The following CSMD1 variants were observed in gnomAD, a reference collection of about 807,000 sequenced individuals.
The protein encoded by CSMD1 is CUB and Sushi multiple domains 1, also known as CUB and sushi domain-containing protein 1.
A neutral mutation model predicts 417.5 loss-of-function variants in CSMD1; 213 were observed. The observed-to-expected ratio is 0.51, with a 90% CI of 0.46 to 0.57. The LOEUF (loss-of-function observed/expected upper bound fraction) is 0.57. Ranked by LOEUF, CSMD1 falls within the 20% of genes least tolerant of loss-of-function variation. The pLI is 0.00. For missense variants in CSMD1, 6,923 were observed against 4,529.7 expected, an observed-to-expected ratio of 1.53 and a Z score of -15.17; for synonymous variants, 2,862 against 1,736.8, an observed-to-expected ratio of 1.65 and a Z score of -16.11.
At chr8:4,486,154 TATACATAC>T (rs1256520368) in intron 2 of CSMD1, among the ~76,000 whole-genome samples, 4 of 23,510 alleles carry the variant, frequency 1.7e-4, no homozygotes, top group African/African-American at 6.1e-4. Context: ...TATATATATA[TATACATAC>T]ATATATATAT....
intron 2 of CSMD1, among the ~76,000 whole-genome samples, chr8:4,491,997 C>T (rs908277672): frequency 6.7e-6 from 1 of 149,462 alleles, no homozygotes; most frequent in African/African-American, 2.5e-5. Context: ...AATGGATAAA[C>T]TATGGTACAT....
At chr8:4,031,398 G>C (rs796670221) in intron 4 of CSMD1, among the ~76,000 whole-genome samples, 3 of 152,316 alleles carry the variant, frequency 2.0e-5, no homozygotes, top group South Asian at 2.1e-4. Flanking sequence ...GAGAGAGCTT[G>C]TGCAGGGGAA....
intron 25 of CSMD1, among the ~76,000 whole-genome samples, chr8:3,286,567 C>T (rs1204966207): frequency 6.6e-6 from 1 of 152,130 alleles, no homozygotes; most frequent in African/African-American, 2.4e-5. Flanking sequence ...TTGCATTTCT[C>T]TGATGGCCGG....
intron 5 of CSMD1, among the ~76,000 whole-genome samples, chr8:3,880,891 C>T (rs1425632574): frequency 6.6e-6 from 1 of 151,970 alleles, no homozygotes; most frequent in Non-Finnish European, 1.5e-5. Flanking sequence ...CCTTCGTGTA[C>T]CATTGAAAGT....
chr8:3,240,444 GT>G (rs1799423660), intron 26 of CSMD1, among the ~76,000 whole-genome samples: 1 of 151,776 alleles, frequency 6.6e-6, no homozygotes, highest in Non-Finnish European at 1.5e-5. Context: ...TGTTTTATAG[GT>G]GTTGGGGTTT....
At chr8:4,713,618 G>A (rs10093459) in intron 1 of CSMD1, among the ~76,000 whole-genome samples, 134,374 of 151,974 alleles carry the variant, frequency 0.88, 59,479 homozygotes, top group East Asian at 0.99. Flanking sequence ...AATGCATAAA[G>A]TTCTCACATA....
chr8:4,839,101 T>C (rs1157297418), intron 1 of CSMD1, among the ~76,000 whole-genome samples: 2 of 152,188 alleles, frequency 1.3e-5, no homozygotes, highest in Non-Finnish European at 2.9e-5. Flanking sequence ...TCTGAGTCAG[T>C]TTCCCACCTC....
chr8:4,895,333 C>T (rs1422957960), intron 1 of CSMD1, among the ~76,000 whole-genome samples: 1 of 152,080 alleles, frequency 6.6e-6, no homozygotes, highest in South Asian at 2.1e-4. Context: ...TCCAATATTT[C>T]AGTTTCTGGA....
In CSMD1 at chr8:4,823,460, T is replaced by A. The variant is rs144674104; in HGVS notation, c.85+170872A>T. Among the ~76,000 whole-genome samples, 802 of 151,962 alleles carry A rather than the reference T, an allele frequency of 5.3e-3. 6 individuals carry two copies. The highest frequency in any genetic ancestry group is 0.017 in the African/African-American group (724 of 41,468). On this transcript the variant is annotated intron_variant, in intron 1 of 69. Coordinates refer to ENST00000635120, the MANE Select transcript of CSMD1 (RefSeq NM_033225.6). ...TTCCTCACTCACTGGTAAAATGGGG[T>A]ACTTAGGGCAACCGAGGATTCCATA...
intron 3 of CSMD1, among the ~76,000 whole-genome samples, chr8:4,058,528 C>G (rs1455718833): frequency 6.6e-6 from 1 of 152,008 alleles, no homozygotes; most frequent in African/African-American, 2.4e-5. Context: ...CCCTTTATTT[C>G]CTTCTCCTGC....
chr8:3,265,999 C>G (rs991772847), intron 26 of CSMD1, among the ~76,000 whole-genome samples: 1 of 151,836 alleles, frequency 6.6e-6, no homozygotes, highest in Non-Finnish European at 1.5e-5. Context: ...ATGAACTTAT[C>G]TAATTGGCAT....
At chr8:4,916,983 T>C (rs1182528906) in intron 1 of CSMD1, among the ~76,000 whole-genome samples, 1 of 152,208 alleles carries the variant, frequency 6.6e-6, no homozygotes, top group Non-Finnish European at 1.5e-5. Context: ...TCAGTAGGTG[T>C]ATTAGCTCAT....
At chr8:4,016,851 C>T (rs1220597832) in intron 4 of CSMD1, among the ~76,000 whole-genome samples, 1 of 152,048 alleles carries the variant, frequency 6.6e-6, no homozygotes, top group African/African-American at 2.4e-5. Context: ...TATCAAAGAC[C>T]AAGAACAGCA....
At position 4,190,156 on chromosome 8, in the gene CSMD1, G is replaced by C. The variant is rs184233313; in HGVS notation, c.416-158057C>G. On this transcript the variant is annotated intron_variant, in intron 3 of 69. Transcript: ENST00000635120. Reference sequence around the variant, plus strand: ...TGCCTGTGGTCCCAGCTACTCAGGAGGCTGAGGCAAGAGAATGGCGTGAAC... The same window carrying C: ...TGCCTGTGGTCCCAGCTACTCAGGACGCTGAGGCAAGAGAATGGCGTGAAC... Among the ~76,000 whole-genome samples, 287 of 151,494 alleles carry C rather than the reference G, an allele frequency of 1.9e-3. 1 individual carries two copies. The highest frequency in any genetic ancestry group is 6.4e-3 in the Admixed American group (97 of 15,210).
At chr8:4,421,679 G>C (rs1052040543) in intron 2 of CSMD1, among the ~76,000 whole-genome samples, 5 of 151,908 alleles carry the variant, frequency 3.3e-5, no homozygotes, top group Non-Finnish European at 7.4e-5. Flanking sequence ...GTAAGACTCA[G>C]CTAAGCAGTG....
intron 5 of CSMD1, among the ~76,000 whole-genome samples, chr8:3,985,960 G>T (rs750313431): frequency 7.3e-5 from 11 of 151,282 alleles, no homozygotes; most frequent in Non-Finnish European, 1.2e-4. Context: ...TAGCCTAAAA[G>T]TTTCCCTGGC....
chr8:3,316,352 C>G (rs977449155), intron 23 of CSMD1, among the ~76,000 whole-genome samples: 10 of 151,842 alleles, frequency 6.6e-5, no homozygotes, highest in African/African-American at 2.2e-4. Context: ...CTATCAGGAA[C>G]TTTTTTGGGG....
intron 3 of CSMD1, among the ~76,000 whole-genome samples, chr8:4,313,051 A>G (rs965517531): frequency 2.0e-5 from 3 of 152,210 alleles, no homozygotes; most frequent in Non-Finnish European, 4.4e-5. Context: ...AGAATAAACT[A>G]CAAATGAATA....
intron 49 of CSMD1, among the ~76,000 whole-genome samples, chr8:3,075,981 G>T (rs1205943986): frequency 6.6e-6 from 1 of 151,630 alleles, no homozygotes. Flanking sequence ...AACCTGGGAG[G>T]CGCAGCTTGC....
Sources: gnomAD v4.1 joint callset for allele counts (sites outside exome capture counted in the v4.1 genomes callset) on GRCh38, gnomAD v4.1.1 for gene constraint, MANE v1.5 for transcripts, NCBI Gene and HGNC (gene_info 2026-07-23, HGNC 2026-07-21) for gene names.